The following GXYLT2 variants were observed in gnomAD, a reference collection of about 807,000 sequenced individuals.
GXYLT2 encodes glycosyltransferase 8 domain containing 4.
GXYLT2 carries 53 observed loss-of-function variants against 45.8 expected under a neutral mutation model. The ratio of observed to expected loss-of-function variants is 1.16; its 90% CI spans 0.93 to 1.46. The LOEUF is 1.46. Among genes scored for constraint, GXYLT2 ranks in the 40% most tolerant of loss-of-function variants. GXYLT2 has a pLI of 0.00. For synonymous variants in GXYLT2, 219 were observed against 214.2 expected, an observed-to-expected ratio of 1.02 and a Z score of -0.19; for missense variants, 551 against 544.4, an observed-to-expected ratio of 1.01 and a Z score of -0.12.
intron 5 of GXYLT2, among the ~76,000 whole-genome samples, chr3:72,964,720 A>G (rs939092814): frequency 2.6e-5 from 4 of 152,206 alleles, no homozygotes; most frequent in African/African-American, 4.8e-5. Context: ...GGATTTTTCT[A>G]TTATTTGTCC....
At chr3:72,890,640 T>C (rs1307603637) in intron 1 of GXYLT2, among the ~76,000 whole-genome samples, 1 of 152,246 alleles carries the variant, frequency 6.6e-6, no homozygotes, top group African/African-American at 2.4e-5. Context: ...CTGTAGATTT[T>C]TGGATCTGTC....
At chr3:72,889,576 TACTTATAAC>T (rs1291328562) in intron 1 of GXYLT2, among the ~76,000 whole-genome samples, 1 of 152,198 alleles carries the variant, frequency 6.6e-6, no homozygotes, top group Non-Finnish European at 1.5e-5. Flanking sequence ...CGCTTTAAAG[TACTTATAAC>T]ACTTTACAGC....
intron 3 of GXYLT2, among the ~76,000 whole-genome samples, chr3:72,936,117 C>T (rs1448932046): frequency 6.6e-6 from 1 of 151,706 alleles, no homozygotes; most frequent in African/African-American, 2.4e-5. Flanking sequence ...CAGTGAAACT[C>T]CATCTCTACT....
intron 3 of GXYLT2, among the ~76,000 whole-genome samples, chr3:72,947,122 A>C (rs1710426751): frequency 6.6e-6 from 1 of 152,110 alleles, no homozygotes; most frequent in Admixed American, 6.6e-5. Context: ...AAAGTGCCCG[A>C]TGAGCTACCA....
intron 3 of GXYLT2, among the ~76,000 whole-genome samples, chr3:72,949,962 C>T (rs1030609473): frequency 6.6e-6 from 1 of 152,062 alleles, no homozygotes; most frequent in Non-Finnish European, 1.5e-5. Flanking sequence ...GCTTCACACA[C>T]ATCATCTCAT....
Position 72,957,278 on chromosome 3 carries a change from T to G in GXYLT2, c.902T>G (p.Leu301Arg). 6.2e-7 allele frequency: 1 copy of G among 1,613,096 alleles called. No individual in the cohort carries two copies. Among genetic ancestry groups the G allele is most frequent in the South Asian group, 1.1e-5 (1 of 91,044 alleles). ...GCTTGGGAGGACATGTTGTACCCTC[T>G]GTACCAGAAGTACAAGAATGCCATC... ...GLAWEDMLYP[L>R]YQKYKNAITW... Residue 301 changes from leucine (L) to arginine (R), a missense_variant, in exon 5 of 7, where the codon CTG becomes CGG. Transcript: ENST00000389617.
In GXYLT2 at chr3:72,918,347, C is replaced by T. The variant is rs1313854230; in HGVS notation, c.469-3857C>T. ...TTATCACTAATGACTACATTGCATT[C>T]TGTTATATAGATAGACTCTGGAGCT... On this transcript the variant is annotated intron_variant, in intron 2 of 6. Coordinates refer to ENST00000389617, the MANE Select transcript of GXYLT2 (RefSeq NM_001080393.2). 2.0e-5 allele frequency among the ~76,000 whole-genome samples: 3 copies of T among 152,166 alleles called. 1 individual carries two copies. Among genetic ancestry groups the T allele is most frequent in the Middle Eastern group, 6.3e-3 (2 of 316 alleles).
rs561447525 is a variant in GXYLT2 at position 72,919,158 on chromosome 3, A to G, written c.469-3046A>G. ...ATTTACCCAAATGAGTTGAAAACTTATGTCCACACAAAAACCGGTACACAG... is the reference window on the plus strand; with the variant it reads ...ATTTACCCAAATGAGTTGAAAACTTGTGTCCACACAAAAACCGGTACACAG... On this transcript the variant is annotated intron_variant, in intron 2 of 6. Coordinates refer to ENST00000389617, the MANE Select transcript of GXYLT2 (RefSeq NM_001080393.2). 6.6e-5 allele frequency among the ~76,000 whole-genome samples: 10 copies of G among 152,362 alleles called. No individual in the cohort carries two copies. The South Asian group carries it at 1.9e-3, about 28-fold the overall frequency.
At chr3:72,904,928 A>G (rs2107074856) in intron 1 of GXYLT2, among the ~76,000 whole-genome samples, 1 of 150,626 alleles carries the variant, frequency 6.6e-6, no homozygotes, top group South Asian at 2.1e-4. Context: ...TTCGGTTTGT[A>G]GTCCCAGCTA....
At chr3:72,929,282 ATCTT>A (rs1187256815) in intron 3 of GXYLT2, 1 of 1,338,684 alleles carries the variant, frequency 7.5e-7, no homozygotes, top group African/African-American at 1.4e-5. Context: ...AGGTGGCCGA[ATCTT>A]CCTTCAGGAT....
Position 72,975,048 on chromosome 3 carries a change from C to T in GXYLT2, c.1221C>T (p.His407=), listed in dbSNP as rs899968188. The change falls in exon 7 of 7, where the codon CAC becomes CAT. Residue 407 remains histidine, a synonymous_variant. Coordinates refer to ENST00000389617, the MANE Select transcript of GXYLT2 (RefSeq NM_001080393.2). The part of the protein sequence containing the change: ...PLQLKFLETV[H]TLCGRIPQVF... ...AGCTGAAGTTTTTGGAGACTGTGCA[C>T]ACTTTATGTGGACGAATCCCGCAAG... The T allele has an allele frequency of 6.2e-7, 1 of 1,613,200 alleles. No individual in the cohort carries two copies. The highest frequency in any genetic ancestry group is 8.5e-7 in the Non-Finnish European group (1 of 1,179,414).
Position 72,889,157 on chromosome 3 carries a change from C to G in GXYLT2, c.275+649C>G, listed in dbSNP as rs748963389. 2.0e-5 allele frequency among the ~76,000 whole-genome samples: 3 copies of G among 152,202 alleles called. No homozygotes were observed. The East Asian group carries it at 5.8e-4, about 29-fold the overall frequency. On this transcript the variant is annotated intron_variant, in intron 1 of 6. Transcript: ENST00000389617. ...CCTTCGACCTTCTGTTTGATACTCTCTTTCCCTACACAAAGCCTAACACGC... is the reference window on the plus strand; with the variant it reads ...CCTTCGACCTTCTGTTTGATACTCTGTTTCCCTACACAAAGCCTAACACGC...
chr3:72,945,118 A>G (rs1301202862), intron 3 of GXYLT2, among the ~76,000 whole-genome samples: 1 of 92,454 alleles, frequency 1.1e-5, no homozygotes, highest in Admixed American at 1.5e-4. Flanking sequence ...CTCTACTAAA[A>G]CTACAAAAAA....
At chr3:72,913,151 C>T (rs1440594928) in intron 2 of GXYLT2, among the ~76,000 whole-genome samples, 4 of 151,194 alleles carry the variant, frequency 2.6e-5, no homozygotes, top group Admixed American at 2.6e-4. Flanking sequence ...CATTCTCCTG[C>T]CTCAGCCTCC....
rs1559731120 is a variant in GXYLT2, at chr3:72,912,015, T to TATATA, written c.468+3456_468+3457insATATA. Among the ~76,000 whole-genome samples the TATATA allele has an allele frequency of 9.0e-4, 105 of 116,046 alleles. No individual in the cohort carries two copies. In the South Asian group the frequency reaches 0.018, roughly 20 times the overall value. The allele number at this position is 116,046 out of a possible 152,430, so 76.1% of individuals were successfully genotyped here. A position where few individuals can be genotyped will look rare whatever the true frequency, so the allele number is the denominator to read the frequency against. ...TGTGTATATATATATATATATATATTTTTTTTTTTTTTTGAGACAGCGTCT... is the reference window on the plus strand; with the variant it reads ...TGTGTATATATATATATATATATATTATATATTTTTTTTTTTTTGAGACAGCGTCT... On this transcript the variant is annotated intron_variant, in intron 2 of 6. Coordinates refer to ENST00000389617, the MANE Select transcript of GXYLT2 (RefSeq NM_001080393.2).
intron 3 of GXYLT2, among the ~76,000 whole-genome samples, chr3:72,949,635 C>T (rs892751635): frequency 1.9e-4 from 29 of 150,010 alleles, no homozygotes; most frequent in East Asian, 8.1e-4. Flanking sequence ...CCTCAGCCTC[C>T]GGAGTAGCTG....
At position 72,893,434 on chromosome 3, in the gene GXYLT2, G is replaced by A. The variant is rs189618424; in HGVS notation, c.275+4926G>A. Among the ~76,000 whole-genome samples the A allele has an allele frequency of 1.7e-4, 26 of 152,270 alleles. 1 individual carries two copies. The East Asian group carries it at 4.8e-3, about 28-fold the overall frequency. ...TCTCCTGAGAGGGGTCCTGCTAGCCGCTCGAGTACTCCTCTCCATCACTCT... is the reference window on the plus strand; with the variant it reads ...TCTCCTGAGAGGGGTCCTGCTAGCCACTCGAGTACTCCTCTCCATCACTCT... On this transcript the variant is annotated intron_variant, in intron 1 of 6. Coordinates refer to ENST00000389617, the MANE Select transcript of GXYLT2 (RefSeq NM_001080393.2).
At chr3:72,956,678 C>T (rs1039913725) in intron 4 of GXYLT2, among the ~76,000 whole-genome samples, 24 of 152,074 alleles carry the variant, frequency 1.6e-4, no homozygotes, top group African/African-American at 5.5e-4. Flanking sequence ...CACTCGAGGT[C>T]AGGAGTTTGA....
At chr3:72,925,735 A>T (rs1029800467) in intron 3 of GXYLT2, among the ~76,000 whole-genome samples, 5 of 152,178 alleles carry the variant, frequency 3.3e-5, no homozygotes, top group Non-Finnish European at 7.3e-5. Context: ...GTTGACCTTG[A>T]ATTGTGACTT....
Sources: allele counts gnomAD v4.1 joint callset (sites outside exome capture counted in the v4.1 genomes callset), GRCh38; gene constraint gnomAD v4.1.1; transcripts MANE v1.5; gene names NCBI Gene and HGNC (gene_info 2026-07-23, HGNC 2026-07-21).